Variants in ZNF638 observed in about 807,000 individuals in gnomAD.
The protein encoded by ZNF638 is zinc finger protein 638, also known as CTCL tumor antigen se33-1.
Under a neutral mutation model 195.6 loss-of-function variants are expected in ZNF638, and 46 were observed. The ratio of observed to expected loss-of-function variants is 0.24; its 90% CI spans 0.19 to 0.30. ZNF638 has a LOEUF of 0.30. Among genes scored for constraint, ZNF638 ranks in the 10% least tolerant of loss-of-function variants. ZNF638 has a pLI of 1.00. For missense variants in ZNF638, 2,440 were observed against 2,325.3 expected, an observed-to-expected ratio of 1.05 and a Z score of -1.01; for synonymous variants, 845 against 772.0, an observed-to-expected ratio of 1.09 and a Z score of -1.57.
chr2:71,349,597 A>G lies in ZNF638; in HGVS notation c.643A>G (p.Ser215Gly). The stretch of plus-strand genomic sequence containing the variant: ...TAATGTGATCGATTATGGGCATGCA[A>G]GCAAATATGGCTACACAGAAGATCC... ...SSNVIDYGHA[S>G]KYGYTEDPLE... Residue 215 changes from serine to glycine, a missense_variant, in exon 2 of 28, where the codon AGC (serine) becomes GGC (glycine). By Grantham distance (56) the Ser-to-Gly change is moderately conservative (BLOSUM62 0). Transcript: ENST00000264447. 1 of 1,614,234 alleles carries G rather than the reference A, an allele frequency of 6.2e-7. No individual in the cohort carries two copies. Among genetic ancestry groups the G allele is most frequent in the Non-Finnish European group, 8.5e-7 (1 of 1,180,044 alleles).
intron 3 of ZNF638, among the ~76,000 whole-genome samples, chr2:71,356,577 G>A (rs965487795): frequency 1.2e-4 from 19 of 152,096 alleles, no homozygotes; most frequent in African/African-American, 4.6e-4. Flanking sequence ...GCTTGCTTGA[G>A]CTCAGGAGTT....
intron 2 of ZNF638, among the ~76,000 whole-genome samples, chr2:71,350,818 AT>A (rs1221378064): frequency 2.0e-5 from 3 of 152,228 alleles, no homozygotes; most frequent in Non-Finnish European, 4.4e-5. Context: ...CATAGCAAAA[AT>A]AAGTCAAGGT....
chr2:71,408,414 C>G, intron 20 of ZNF638, 167 bp downstream of exon 20: 3 of 871,190 alleles, frequency 3.4e-6, no homozygotes, highest in Non-Finnish European at 5.0e-6. Flanking sequence ...ATAAATTTGT[C>G]TAAATGAGAA....
Position 71,403,012 on chromosome 2 carries a change from A to C in ZNF638, c.2830-858A>C, listed in dbSNP as rs115703138. On this transcript the variant is annotated intron_variant, in intron 16 of 27. Transcript: ENST00000264447. ...CGCAGAGCTCAGTAAATACACTAAAACCCATTGCATTGTGTACAGTGGTTG... is the reference window on the plus strand; with the variant it reads ...CGCAGAGCTCAGTAAATACACTAAACCCCATTGCATTGTGTACAGTGGTTG... 5.1e-3 allele frequency among the ~76,000 whole-genome samples: 771 copies of C among 152,192 alleles called. 4 individuals carry two copies. Among genetic ancestry groups the C allele is most frequent in the African/African-American group, 0.018 (740 of 41,540 alleles).
intron 25 of ZNF638, among the ~76,000 whole-genome samples, chr2:71,430,087 G>C (rs1026680579): frequency 2.0e-5 from 3 of 152,256 alleles, no homozygotes; most frequent in African/African-American, 7.2e-5. Context: ...TACTGCTTAC[G>C]TAACAATATA....
At chr2:71,398,194 T>G (rs2104421510) in intron 11 of ZNF638, among the ~76,000 whole-genome samples, 1 of 152,272 alleles carries the variant, frequency 6.6e-6, no homozygotes, top group African/African-American at 2.4e-5. Context: ...GATTTTGGAT[T>G]TTTTTTCAGA....
At chr2:71,373,437 ATTTTTTTTTTTT>A (rs754117239) in intron 8 of ZNF638, among the ~76,000 whole-genome samples, 2 of 71,046 alleles carry the variant, frequency 2.8e-5, no homozygotes, top group African/African-American at 5.6e-5. Context: ...TCAAGTTTGA[ATTTTTTTTTTTT>A]TTTTTTTTTT....
At chr2:71,388,518 G>A in intron 10 of ZNF638, 1 of 710,458 alleles carries the variant, frequency 1.4e-6, no homozygotes, top group African/African-American at 1.7e-5. Flanking sequence ...CCAGCTTATT[G>A]GGGCTGCGTT....
At chr2:71,341,713 A>G (rs906734226) in intron 1 of ZNF638, 1 of 152,202 alleles carries the variant, frequency 6.6e-6, no homozygotes. Context: ...TTTCCAGGTT[A>G]TTTATTTCAT....
At chr2:71,385,352 T>C (rs139617426) in intron 10 of ZNF638, among the ~76,000 whole-genome samples, 1 of 152,226 alleles carries the variant, frequency 6.6e-6, no homozygotes, top group African/African-American at 2.4e-5. Flanking sequence ...ATGGGTACTT[T>C]GTTTATAATT....
intron 1 of ZNF638, among the ~76,000 whole-genome samples, chr2:71,340,340 CAA>C (rs1166535057): frequency 1.2e-4 from 18 of 152,142 alleles, no homozygotes; most frequent in African/African-American, 2.9e-4. Context: ...TTTTGTGAGA[CAA>C]GAGAGGACAA....
intron 26 of ZNF638, among the ~76,000 whole-genome samples, chr2:71,432,433 TCAAG>T (rs1456550710): frequency 3.9e-5 from 6 of 152,198 alleles, no homozygotes; most frequent in African/African-American, 1.4e-4. Context: ...ACCCCTGAGC[TCAAG>T]CAGTCTGTCC....
intron 1 of ZNF638, among the ~76,000 whole-genome samples, chr2:71,343,468 A>G (rs1228553852): frequency 6.6e-6 from 1 of 152,222 alleles, no homozygotes; most frequent in African/African-American, 2.4e-5. Context: ...GTCATTCCCA[A>G]TTAAATGTTC....
chr2:71,372,122 T>G lies in ZNF638; in HGVS notation c.2265+2117T>G, dbSNP rs368290005. Reference sequence around the variant, plus strand: ...GATAGGGTTCAGGTTCATTAATGCATATGGATATCCAGTTTTCCCAGCTGG... The same window carrying G: ...GATAGGGTTCAGGTTCATTAATGCAGATGGATATCCAGTTTTCCCAGCTGG... On this transcript the variant is annotated intron_variant, in intron 8 of 27. Coordinates refer to ENST00000264447, the MANE Select transcript of ZNF638 (RefSeq NM_014497.5). Among the ~76,000 whole-genome samples, 6 of 152,150 alleles carry G rather than the reference T, an allele frequency of 3.9e-5. No individual in the cohort carries two copies. In the South Asian group the frequency reaches 8.3e-4, roughly 21 times the overall value.
intron 2 of ZNF638, among the ~76,000 whole-genome samples, chr2:71,353,870 G>A (rs749498103): frequency 4.6e-5 from 7 of 152,196 alleles, no homozygotes; most frequent in Admixed American, 2.0e-4. Flanking sequence ...TGTAAACAGT[G>A]TCCAATTAAT....
intron 10 of ZNF638, among the ~76,000 whole-genome samples, chr2:71,383,560 G>GTTTTTTTTTTTT (rs57987492): frequency 3.3e-5 from 4 of 122,120 alleles, no homozygotes; most frequent in African/African-American, 6.6e-5. Context: ...TTCCTGGGTG[G>GTTTTTTTTTTTT]TTTTTTTTTT....
Position 71,427,160 on chromosome 2 carries a change from A to G in ZNF638, c.5291A>G (p.Asp1764Gly). The stretch of plus-strand genomic sequence containing the variant: ...GAAGAGGATGAAGACTCTCTGGCGG[A>G]TTTTAACAACCTTAAAGAAGAGCTT... ...VTEEDEDSLADFNNLKEELNF... is the reference protein window; with the variant it reads ...VTEEDEDSLAGFNNLKEELNF... The change falls in exon 24 of 28, where the codon GAT (aspartate) becomes GGT (glycine). Residue 1764 changes from aspartate to glycine, a missense_variant. Physicochemically the swap from Asp to Gly is moderately conservative, Grantham distance 94. This residue lies in a region of ZNF638 where 1,883 missense variants were observed against 1,739.1 expected (regional missense o/e 1.08). Coordinates refer to ENST00000264447, the MANE Select transcript of ZNF638 (RefSeq NM_014497.5). 6.2e-7 allele frequency: 1 copy of G among 1,612,732 alleles called. No homozygotes were observed. Among genetic ancestry groups the G allele is most frequent in the Non-Finnish European group, 8.5e-7 (1 of 1,179,600 alleles).
intron 20 of ZNF638, among the ~76,000 whole-genome samples, chr2:71,417,280 A>G (rs1240910431): frequency 1.3e-5 from 2 of 151,168 alleles, no homozygotes; most frequent in South Asian, 2.1e-4. Context: ...TCGGAAAGGG[A>G]ACTCCCTGAC....
intron 1 of ZNF638, among the ~76,000 whole-genome samples, chr2:71,339,386 G>C (rs2078726643): frequency 6.6e-6 from 1 of 152,046 alleles, no homozygotes; most frequent in Admixed American, 6.6e-5. Context: ...TTCCTGACCT[G>C]GTGATCCGCC....
Sources: gnomAD v4.1 joint callset for allele counts (sites outside exome capture counted in the v4.1 genomes callset) on GRCh38, gnomAD v4.1.1 for gene constraint, gnomAD v4.1.1 regional missense constraint, MANE v1.5 for transcripts, NCBI Gene and HGNC (gene_info 2026-07-23, HGNC 2026-07-21) for gene names.